MEIOSIN: variants seen among roughly 807,000 people sequenced by gnomAD.
MEIOSIN encodes the protein meiosis initiator, also known as meiosis initiator protein.
Under a neutral mutation model 23.4 loss-of-function variants are expected in MEIOSIN, and 18 were observed. The ratio of observed to expected loss-of-function variants is 0.77; its 90% CI spans 0.53 to 1.14. The LOEUF is 1.14. MEIOSIN is among the 50% of genes most tolerant of loss of function. The pLI is 0.00. For missense variants in MEIOSIN, 428 were observed against 242.9 expected (o/e 1.76, Z -5.07); for synonymous variants, 187 against 100.6 (o/e 1.86, Z -5.14).
chr19:45,763,485 A>T, intron 14 of MEIOSIN, 58 bp downstream of exon 14: 3 of 398,482 alleles, frequency 7.5e-6, no homozygotes, highest in Non-Finnish European at 1.3e-5. Context: ...CCTACCCCGG[A>T]ACCCTGCTCT....
intron 13 of MEIOSIN, among the ~76,000 whole-genome samples, chr19:45,762,739 C>G (rs1397546684): frequency 3.3e-5 from 5 of 152,126 alleles, no homozygotes; most frequent in Non-Finnish European, 7.4e-5. Context: ...TCAGGCCCAG[C>G]AAGAAAAGAA....
chr19:45,742,999 G>A (rs1006416571), intron 3 of MEIOSIN, among the ~76,000 whole-genome samples: 1 of 152,164 alleles, frequency 6.6e-6, no homozygotes, highest in African/African-American at 2.4e-5. Context: ...GAAGAAATTG[G>A]CTAAAACCCG....
Position 45,764,164 on chromosome 19 carries a change from C to T in MEIOSIN, c.*46C>T, listed in dbSNP as rs1001323215. On this transcript the variant is annotated 3_prime_UTR_variant, in exon 15 of 15. Transcript: ENST00000457052. The stretch of plus-strand genomic sequence containing the variant: ...CTCCCCTCACCCCTCATGGCAACCG[C>T]GGCTCTTGCTGGAAGCCAGGACCCA... The T allele has an allele frequency of 1.0e-5, 4 of 398,600 alleles. No homozygotes were observed. The highest frequency in any genetic ancestry group is 1.8e-5 in the Non-Finnish European group (4 of 226,020). 24.7% of individuals were successfully genotyped at this position (398,600 alleles called of 1,614,324 possible).
At chr19:45,756,892 C>G (rs1276745676) in intron 8 of MEIOSIN, among the ~76,000 whole-genome samples, 1 of 152,184 alleles carries the variant, frequency 6.6e-6, no homozygotes, top group Non-Finnish European at 1.5e-5. Context: ...AGTACTTCTT[C>G]CTGGATAGCC....
intron 2 of MEIOSIN, among the ~76,000 whole-genome samples, chr19:45,736,744 A>T (rs1047196201): frequency 9.4e-5 from 13 of 138,046 alleles, no homozygotes; most frequent in African/African-American, 3.6e-4. Context: ...AATTTTTTAT[A>T]TTTTTTTTAG....
chr19:45,756,765 A>G (rs1968838865), intron 8 of MEIOSIN, among the ~76,000 whole-genome samples: 1 of 151,836 alleles, frequency 6.6e-6, no homozygotes, highest in Non-Finnish European at 1.5e-5. Flanking sequence ...GTGGCCCCCA[A>G]CTCACCTCGT....
intron 11 of MEIOSIN, among the ~76,000 whole-genome samples, chr19:45,759,841 G>A (rs1474926022): frequency 1.3e-5 from 2 of 151,906 alleles, no homozygotes; most frequent in African/African-American, 4.8e-5. Flanking sequence ...CCCTGTTGTC[G>A]CCCAGGCTGG....
chr19:45,753,629 G>A (rs547787596), intron 5 of MEIOSIN, 22 bp from the exon 6 acceptor site: 9 of 695,808 alleles, frequency 1.3e-5, no homozygotes, highest in African/African-American at 7.0e-5. Flanking sequence ...GATCTGAGCT[G>A]TTTCCCTCTC....
intron 4 of MEIOSIN, among the ~76,000 whole-genome samples, chr19:45,747,375 T>C (rs1968613849): frequency 6.6e-6 from 1 of 152,146 alleles, no homozygotes; most frequent in Admixed American, 6.6e-5. Context: ...AGAGTGTCCT[T>C]CCTCACCACT....
rs191887967 is a variant in MEIOSIN, at chr19:45,758,718, C to G, written c.1013-160C>G. On this transcript the variant is annotated intron_variant, in intron 9 of 14. Transcript: ENST00000457052. ...GTGCTGGGTTACAGGCGTGAGCCAT[C>G]GCAGCCGGCTGCCTCTTCATTTCTG... is the stretch of plus-strand genomic sequence containing the variant. Among the ~76,000 whole-genome samples the G allele has an allele frequency of 2.1e-3, 318 of 152,352 alleles. 2 individuals are homozygous for G. The highest frequency in any genetic ancestry group is 9.3e-4 in the Non-Finnish European group (63 of 68,034).
chr19:45,752,158 T>C (rs1401201441), intron 5 of MEIOSIN, among the ~76,000 whole-genome samples: 1 of 148,668 alleles, frequency 6.7e-6, no homozygotes, highest in African/African-American at 2.5e-5. Context: ...GGTCAAGCAA[T>C]CCTCCTGCCG....
intron 5 of MEIOSIN, among the ~76,000 whole-genome samples, chr19:45,752,595 C>T (rs768392668): frequency 6.6e-6 from 1 of 151,520 alleles, no homozygotes. Context: ...TTAAGCAATT[C>T]TCCCGCCTTG....
chr19:45,757,355 A>G, intron 9 of MEIOSIN, 78 bp downstream of exon 9: 1 of 664,174 alleles, frequency 1.5e-6, no homozygotes, highest in Non-Finnish European at 2.8e-6. Flanking sequence ...TGTCTATGGA[A>G]GAGAGGAGGC....
intron 3 of MEIOSIN, among the ~76,000 whole-genome samples, chr19:45,741,331 C>A (rs1022925581): frequency 6.7e-6 from 1 of 148,906 alleles, no homozygotes; most frequent in Non-Finnish European, 1.5e-5. Context: ...TGGACAAGAG[C>A]GAGACTCTGT....
At chr19:45,757,713 G>T (rs1432578221) in intron 9 of MEIOSIN, among the ~76,000 whole-genome samples, 1 of 152,092 alleles carries the variant, frequency 6.6e-6, no homozygotes, top group Non-Finnish European at 1.5e-5. Context: ...TAGAGATGGG[G>T]TTTCACCATG....
rs899729330 is a variant in MEIOSIN at position 45,754,596 on chromosome 19, C to A, written c.674C>A (p.Pro225Gln). 1 of 702,992 alleles carries A rather than the reference C, an allele frequency of 1.4e-6. No individual in the cohort carries two copies. The highest frequency in any genetic ancestry group is 2.6e-6 in the Non-Finnish European group (1 of 385,042). The allele number at this position is 702,992 out of a possible 1,614,324, so 43.5% of individuals were successfully genotyped here. ...GSGTGGTTTP[P>Q]RCPDSCGHPR... The stretch of plus-strand genomic sequence containing the variant: ...GGCACAGGGGGGACCACTACCCCTC[C>A]AAGGTGCCCTGACTCCTGCGGTCAC... Residue 225 changes from proline (P) to glutamine (Q), a missense_variant, in exon 7 of 15, where the codon CCA becomes CAA. By Grantham distance (76) the Pro-to-Gln change is moderately conservative. Transcript: ENST00000457052.
intron 2 of MEIOSIN, among the ~76,000 whole-genome samples, chr19:45,738,756 G>C (rs2146173516): frequency 6.6e-6 from 1 of 152,298 alleles, no homozygotes; most frequent in Non-Finnish European, 1.5e-5. Context: ...ACTGTTGTAA[G>C]ACGAGGACTG....
At chr19:45,750,487 G>A (rs752796262) in intron 4 of MEIOSIN, among the ~76,000 whole-genome samples, 188 bp from the exon 5 acceptor site, 20 of 151,374 alleles carry the variant, frequency 1.3e-4, no homozygotes, top group Non-Finnish European at 1.5e-4. Flanking sequence ...AGCCTCTCAA[G>A]TAGCTGGCAT....
chr19:45,759,572 C>T, intron 11 of MEIOSIN, 82 bp downstream of exon 11: 1 of 686,872 alleles, frequency 1.5e-6, no homozygotes, highest in Non-Finnish European at 2.7e-6. Context: ...TTCACTCATC[C>T]ACTCCCTCAC....
Sources: gnomAD v4.1 joint callset for allele counts (sites outside exome capture counted in the v4.1 genomes callset) on GRCh38, gnomAD v4.1.1 for gene constraint, MANE v1.5 for transcripts, NCBI Gene and HGNC (gene_info 2026-07-23, HGNC 2026-07-21) for gene names.